The following TBC1D5 variants were observed in gnomAD, a reference collection of about 807,000 sequenced individuals.
TBC1D5 encodes the protein TBC1 domain family, member 5.
In TBC1D5, 75 loss-of-function variants were observed where a neutral mutation model predicts 100.3. The observed-to-expected ratio is 0.75, with a 90% CI of 0.62 to 0.91. TBC1D5 has a LOEUF of 0.91. Among genes scored for constraint, TBC1D5 ranks in the 40% least tolerant of loss-of-function variants. The pLI is 0.00. For synonymous variants in TBC1D5, 323 were observed against 325.6 expected, an observed-to-expected ratio of 0.99 and a Z score of 0.09; for missense variants, 910 against 942.4, an observed-to-expected ratio of 0.97 and a Z score of 0.45.
In TBC1D5 at chr3:17,196,608, G is replaced by C. The variant is rs933711309; in HGVS notation, c.1753-11400C>G. 5.9e-5 allele frequency among the ~76,000 whole-genome samples: 9 copies of C among 152,234 alleles called. No individual in the cohort carries two copies. In the East Asian group the frequency reaches 1.2e-3, roughly 20 times the overall value. ...AGGGCTCCTGCAGAATTCTGATGAG[G>C]AGTCAAAGCATATGAGTCAGACATA... On this transcript the variant is annotated intron_variant, in intron 18 of 21. Transcript: ENST00000253692.
At chr3:17,708,672 C>G (rs1577684941) in intron 1 of TBC1D5, among the ~76,000 whole-genome samples, 1 of 152,220 alleles carries the variant, frequency 6.6e-6, no homozygotes, top group South Asian at 2.1e-4. Context: ...CGCCCCTATT[C>G]AGAACCACTG....
At chr3:17,262,080 T>C (rs1188298553) in intron 15 of TBC1D5, among the ~76,000 whole-genome samples, 3 of 152,260 alleles carry the variant, frequency 2.0e-5, no homozygotes, top group Non-Finnish European at 4.4e-5. Flanking sequence ...ATTACAGTCA[T>C]GTGTTGCTTA....
At chr3:17,716,711 T>C (rs2075269408) in intron 1 of TBC1D5, among the ~76,000 whole-genome samples, 1 of 152,208 alleles carries the variant, frequency 6.6e-6, no homozygotes. Flanking sequence ...ATGTAATCAT[T>C]ATATGAAATT....
chr3:17,340,243 A>G (rs2088657395), intron 13 of TBC1D5, among the ~76,000 whole-genome samples: 1 of 152,210 alleles, frequency 6.6e-6, no homozygotes, highest in Admixed American at 6.5e-5. Flanking sequence ...AGGGATAAGC[A>G]GTTACCCAGG....
intron 16 of TBC1D5, among the ~76,000 whole-genome samples, chr3:17,257,549 T>C (rs2077827014): frequency 6.6e-6 from 1 of 152,198 alleles, no homozygotes; most frequent in Non-Finnish European, 1.5e-5. Flanking sequence ...CATCAATATA[T>C]GGAGCAAACA....
At chr3:17,231,502 AGAC>A (rs2148892320) in intron 17 of TBC1D5, among the ~76,000 whole-genome samples, 1 of 152,308 alleles carries the variant, frequency 6.6e-6, no homozygotes, top group African/African-American at 2.4e-5. Context: ...CATTAAAAAA[AGAC>A]TATCTATAAT....
At chr3:17,201,899 T>A in intron 18 of TBC1D5, among the ~76,000 whole-genome samples, 1 of 152,248 alleles carries the variant, frequency 6.6e-6, no homozygotes, top group African/African-American at 2.4e-5. Context: ...AATATGAGAA[T>A]GGACTAATAC....
intron 13 of TBC1D5, among the ~76,000 whole-genome samples, chr3:17,315,583 G>A (rs187303): frequency 0.44 from 66,471 of 152,010 alleles, 15,360 homozygotes; most frequent in African/African-American, 0.52. Flanking sequence ...AGAAATAAAG[G>A]GCTAAACTCC....
chr3:17,315,856 G>C lies in TBC1D5; in HGVS notation c.996-7722C>G, dbSNP rs569847633. On this transcript the variant is annotated intron_variant, in intron 13 of 21. Coordinates refer to ENST00000253692, the Ensembl canonical transcript of TBC1D5. ...AAGCTTTACGGTGTGGGGGACGGGC[G>C]GGGGGAGGCTTCAGGTATGCCCCAC... Among the ~76,000 whole-genome samples, 30 of 152,288 alleles carry C rather than the reference G, an allele frequency of 2.0e-4. No individual in the cohort carries two copies. In the Middle Eastern group the frequency reaches 0.01, roughly 52 times the overall value.
In TBC1D5 at chr3:17,237,730, G is replaced by A. The variant is rs189573502; in HGVS notation, c.1588+433C>T. On this transcript the variant is annotated intron_variant, in intron 17 of 21. Coordinates refer to ENST00000253692, the Ensembl canonical transcript of TBC1D5. ...AAGTGAAGCAGCTGGGTGAGAGACT[G>A]CAAGCCTAGTGGCCCACTTTCTCAA... 4.6e-5 allele frequency among the ~76,000 whole-genome samples: 7 copies of A among 152,358 alleles called. No individual in the cohort carries two copies. The East Asian group carries it at 1.3e-3, about 29-fold the overall frequency.
intron 15 of TBC1D5, among the ~76,000 whole-genome samples, chr3:17,276,486 C>CA (rs2080028308): frequency 6.6e-6 from 1 of 152,158 alleles, no homozygotes; most frequent in South Asian, 2.1e-4. Flanking sequence ...GAGAAAGAGA[C>CA]AAGAGACATG....
At chr3:17,481,804 G>A (rs184562976) in intron 3 of TBC1D5, among the ~76,000 whole-genome samples, 32 of 152,256 alleles carry the variant, frequency 2.1e-4, no homozygotes, top group South Asian at 8.3e-4. Flanking sequence ...GGAATGGCAC[G>A]ATCTTGGCTC....
chr3:17,488,458 T>A (rs563074743), intron 3 of TBC1D5, among the ~76,000 whole-genome samples: 1 of 152,196 alleles, frequency 6.6e-6, no homozygotes, highest in Admixed American at 6.5e-5. Context: ...GAACTCTGTA[T>A]AGACGTAAGT....
chr3:17,497,087 GACACACAC>G (rs71049202), intron 3 of TBC1D5, among the ~76,000 whole-genome samples: 27,957 of 128,876 alleles, frequency 0.22, 2,919 homozygotes, highest in Non-Finnish European at 0.25. Context: ...CTCTCTCTCT[GACACACAC>G]ACACACACAC....
chr3:17,661,196 C>G (rs181873560), intron 1 of TBC1D5, among the ~76,000 whole-genome samples: 1 of 152,164 alleles, frequency 6.6e-6, no homozygotes, highest in Admixed American at 6.5e-5. Context: ...AAGGACACTC[C>G]GCTCAATCAG....
intron 15 of TBC1D5, among the ~76,000 whole-genome samples, chr3:17,286,107 T>C (rs1239414010): frequency 1.3e-5 from 2 of 152,328 alleles, no homozygotes; most frequent in Admixed American, 6.5e-5. Context: ...ACATGTACTG[T>C]ATTTCATTTA....
At chr3:17,170,912 G>A (rs988123009) in intron 19 of TBC1D5, among the ~76,000 whole-genome samples, 2 of 152,212 alleles carry the variant, frequency 1.3e-5, no homozygotes, top group African/African-American at 4.8e-5. Flanking sequence ...TAACTGGCAA[G>A]TTCAAGCCCT....
chr3:17,492,574 A>G (rs1450350681), intron 3 of TBC1D5, among the ~76,000 whole-genome samples: 1 of 152,112 alleles, frequency 6.6e-6, no homozygotes, highest in Non-Finnish European at 1.5e-5. Context: ...AGCTGGGACT[A>G]CAGGAATGTG....
At chr3:17,305,561 A>C (rs1219896992) in intron 14 of TBC1D5, among the ~76,000 whole-genome samples, 1 of 152,188 alleles carries the variant, frequency 6.6e-6, no homozygotes, top group African/African-American at 2.4e-5. Flanking sequence ...TGTAGCCTTG[A>C]CACTGACATT....
Sources: allele counts gnomAD v4.1 joint callset (sites outside exome capture counted in the v4.1 genomes callset), GRCh38; gene constraint gnomAD v4.1.1; transcripts MANE v1.5; gene names NCBI Gene and HGNC (gene_info 2026-07-23, HGNC 2026-07-21).